Variants in LINGO2 observed in about 807,000 individuals in gnomAD.
LINGO2 encodes leucine rich repeat and Ig domain containing 2, also known as leucine-rich repeat and immunoglobulin-like domain-containing nogo receptor-interacting protein 2.
Under a neutral mutation model 30.6 loss-of-function variants are expected in LINGO2, and 14 were observed. That is an observed-to-expected ratio of 0.46 (90% CI 0.30 to 0.72). LINGO2 has a LOEUF of 0.72. LINGO2 is among the 30% of genes least tolerant of loss of function. The pLI, the probability that LINGO2 is intolerant of heterozygous loss-of-function variation, is 0.07. For synonymous variants in LINGO2, 317 were observed against 288.5 expected (o/e 1.10, Z -1.00); for missense variants, 729 against 751.7 (o/e 0.97, Z 0.35).
the LINGO2 span, among the ~76,000 whole-genome samples, chr9:28,979,505 T>TACACAC: frequency 3.3e-5 from 5 of 151,060 alleles, no homozygotes; most frequent in South Asian, 2.1e-4. Context: ...TATTTTATTT[T>TACACAC]ACACACACAC....
chr9:27,985,575 TAATTAGCAAAACACAAGAAAAAGTGTAG>T (rs751829142), intron 5 of LINGO2, among the ~76,000 whole-genome samples: 9,317 of 151,674 alleles, frequency 0.061, 581 homozygotes, highest in African/African-American at 0.14. Flanking sequence ...TTTTTGACAT[TAATTAGCAAAACACAAGAAAAAGTGTAG>T]TACAAGATAA....
chr9:28,714,740 T>G, the LINGO2 span, among the ~76,000 whole-genome samples: 1 of 152,168 alleles, frequency 6.6e-6, no homozygotes, highest in Non-Finnish European at 1.5e-5. Context: ...TTTGAGTCAC[T>G]GGAATAAAAA....
the LINGO2 span, among the ~76,000 whole-genome samples, chr9:28,701,461 C>T: frequency 1.3e-5 from 2 of 151,858 alleles, no homozygotes; most frequent in African/African-American, 2.4e-5. Context: ...GATCAGTTGA[C>T]TATATTTATG....
rs181901928 is a variant in LINGO2 at position 28,329,907 on chromosome 9, A to G, written c.-245-34541T>C. Among the ~76,000 whole-genome samples, 206 of 152,268 alleles carry G rather than the reference A, an allele frequency of 1.4e-3. 3 individuals are homozygous for G. Among genetic ancestry groups the G allele is most frequent in the African/African-American group, 4.6e-3 (192 of 41,562 alleles). ...TCTATTTGTGTATTTAGCTCTTCCA[A>G]TAGACACTTTCTTTTAATTTTTATG... On this transcript the variant is annotated intron_variant, in intron 3 of 5. Transcript: ENST00000379992. This position sits in a 1 kb window ranked among gnomAD's most constrained non-coding sequence, Gnocchi z 4.5.
At chr9:29,010,614 AT>A in the LINGO2 span, among the ~76,000 whole-genome samples, 3 of 152,188 alleles carry the variant, frequency 2.0e-5, no homozygotes, top group South Asian at 2.1e-4. Context: ...TACAACATCA[AT>A]TTTTTTTACT....
the LINGO2 span, among the ~76,000 whole-genome samples, chr9:28,757,410 C>A: frequency 6.6e-6 from 1 of 151,942 alleles, no homozygotes; most frequent in Non-Finnish European, 1.5e-5. Flanking sequence ...GGTTTTGGAG[C>A]CAGGATGGTG....
intron 1 of LINGO2, among the ~76,000 whole-genome samples, chr9:28,636,949 T>C (rs962427221): frequency 1.3e-5 from 2 of 152,160 alleles, no homozygotes; most frequent in African/African-American, 4.8e-5. Flanking sequence ...GTTTTTATGG[T>C]TTTAGGTCTA....
chr9:28,816,320 G>A, the LINGO2 span, among the ~76,000 whole-genome samples: 1 of 152,174 alleles, frequency 6.6e-6, no homozygotes, highest in Non-Finnish European at 1.5e-5. Context: ...AATTTTGCCA[G>A]GGGCAGCAGC....
chr9:28,392,624 A>G (rs1196287221), intron 2 of LINGO2, among the ~76,000 whole-genome samples: 1 of 152,176 alleles, frequency 6.6e-6, no homozygotes, highest in African/African-American at 2.4e-5. Flanking sequence ...TCCAGGCTCC[A>G]GTTCCCCCTA....
chr9:27,966,343 G>A (rs990903519), intron 5 of LINGO2, among the ~76,000 whole-genome samples: 3 of 152,102 alleles, frequency 2.0e-5, no homozygotes, highest in East Asian at 1.9e-4. Flanking sequence ...GTTAGGACAA[G>A]CTATGAAATA....
chr9:27,953,897 T>C lies in LINGO2; in HGVS notation c.-35-3191A>G, dbSNP rs182455660. ...TTATAAATATGAATATACATACATG[T>C]ATGAAAGGAGAAAACTGGAAGGATA... On this transcript the variant is annotated intron_variant, in intron 5 of 5. Transcript: ENST00000379992. Among the ~76,000 whole-genome samples the C allele has an allele frequency of 4.7e-4, 72 of 152,304 alleles. No homozygotes were observed. In the South Asian group the frequency reaches 0.013, roughly 28 times the overall value.
At chr9:28,759,294 G>A in the LINGO2 span, among the ~76,000 whole-genome samples, 1 of 152,054 alleles carries the variant, frequency 6.6e-6, no homozygotes, top group African/African-American at 2.4e-5. Flanking sequence ...AATAAAAGCT[G>A]TACCATGTCA....
At chr9:28,347,273 A>T (rs1819620039) in intron 3 of LINGO2, among the ~76,000 whole-genome samples, 1 of 152,216 alleles carries the variant, frequency 6.6e-6, no homozygotes. Flanking sequence ...AAATATTCCT[A>T]GTTCCTATGA....
chr9:27,983,358 C>A (rs1310622874), intron 5 of LINGO2, among the ~76,000 whole-genome samples: 1 of 151,734 alleles, frequency 6.6e-6, no homozygotes, highest in African/African-American at 2.4e-5. Context: ...GTAGGTGGGA[C>A]CTTAACGGAA....
chr9:28,346,144 T>C (rs1213683566), intron 3 of LINGO2, among the ~76,000 whole-genome samples: 1 of 152,216 alleles, frequency 6.6e-6, no homozygotes, highest in East Asian at 1.9e-4. Flanking sequence ...GTGGTAGAGA[T>C]TATTTTGTTA....
At chr9:28,377,468 G>A (rs1821175562) in intron 2 of LINGO2, among the ~76,000 whole-genome samples, 1 of 152,088 alleles carries the variant, frequency 6.6e-6, no homozygotes, top group African/African-American at 2.4e-5. Flanking sequence ...TTATCAGTAA[G>A]CCTTCCAGAC....
intron 4 of LINGO2, among the ~76,000 whole-genome samples, chr9:28,079,468 T>C (rs1230240506): frequency 6.6e-6 from 1 of 152,248 alleles, no homozygotes; most frequent in Non-Finnish European, 1.5e-5. Flanking sequence ...CAATGCTCTT[T>C]ACCTTTATAA....
chr9:28,413,183 T>C (rs1453581596), intron 2 of LINGO2, among the ~76,000 whole-genome samples: 3 of 152,012 alleles, frequency 2.0e-5, no homozygotes, highest in Non-Finnish European at 4.4e-5. Context: ...TCTGGAGGAG[T>C]CAAAATTAAA....
intron 1 of LINGO2, among the ~76,000 whole-genome samples, chr9:28,649,280 A>G (rs566191970): frequency 6.6e-6 from 1 of 152,302 alleles, no homozygotes; most frequent in Admixed American, 6.5e-5. Context: ...TAGCAATAGT[A>G]GTAGTAGAAG....
Sources: allele counts gnomAD v4.1 joint callset (sites outside exome capture counted in the v4.1 genomes callset), GRCh38; gene constraint gnomAD v4.1.1; non-coding constraint Gnocchi (gnomAD v3.1); transcripts MANE v1.5; gene names NCBI Gene and HGNC (gene_info 2026-07-23, HGNC 2026-07-21).